C19orf38: variants seen among roughly 807,000 people sequenced by gnomAD.
C19orf38 encodes chromosome 19 open reading frame 38, also known as protein HIDE1.
A neutral mutation model predicts 26.6 loss-of-function variants in C19orf38; 14 were observed. The ratio of observed to expected loss-of-function variants is 0.53; its 90% confidence interval spans 0.35 to 0.82. The LOEUF (loss-of-function observed/expected upper bound fraction) is 0.82, where lower values mean the gene tolerates loss of function less well. Ranked by LOEUF, C19orf38 falls within the 40% of genes least tolerant of loss-of-function variation. C19orf38 has a pLI of 0.01. For missense variants in C19orf38, 261 were observed against 299.5 expected, an observed-to-expected ratio of 0.87 and a Z score of 0.95; for synonymous variants, 132 against 128.5, an observed-to-expected ratio of 1.03 and a Z score of -0.18.
chr19:10,843,346 C>T (rs2073492855), intron 1 of C19orf38, among the ~76,000 whole-genome samples: 1 of 152,220 alleles, frequency 6.6e-6, no homozygotes, highest in Non-Finnish European at 1.5e-5. Context: ...GGTGGGGTTT[C>T]ACCAGGGACC....
upstream of C19orf38, among the ~76,000 whole-genome samples, chr19:10,848,251 T>C (rs1450885404): frequency 6.6e-6 from 1 of 151,022 alleles, no homozygotes; most frequent in Non-Finnish European, 1.5e-5. Context: ...TCTCATCCAT[T>C]TTTTTCCCCT....
chr19:10,850,806 CT>C (rs1256008699), intron 2 of C19orf38, among the ~76,000 whole-genome samples: 1 of 152,162 alleles, frequency 6.6e-6, no homozygotes, highest in African/African-American at 2.4e-5. Context: ...GTGCTGAAAG[CT>C]GTCAGGGACC....
chr19:10,863,841 A>AG (rs1485858942), intron 6 of C19orf38, among the ~76,000 whole-genome samples: 1 of 152,186 alleles, frequency 6.6e-6, no homozygotes, highest in Non-Finnish European at 1.5e-5. Flanking sequence ...TGGACCCAGG[A>AG]GGTGGAGGTA....
intron 2 of C19orf38, among the ~76,000 whole-genome samples, chr19:10,851,117 C>T (rs988388638): frequency 6.6e-5 from 10 of 152,172 alleles, no homozygotes; most frequent in Non-Finnish European, 8.8e-5. Flanking sequence ...TGCAGTGGCA[C>T]GATCTTGGCT....
chr19:10,863,928 A>G (rs1366570579), intron 6 of C19orf38, among the ~76,000 whole-genome samples: 2 of 152,126 alleles, frequency 1.3e-5, no homozygotes, highest in Non-Finnish European at 2.9e-5. Flanking sequence ...AAACAAACAG[A>G]TAAAAATGAA....
At chr19:10,864,216 C>T (rs531364225) in intron 6 of C19orf38, among the ~76,000 whole-genome samples, 20 of 152,100 alleles carry the variant, frequency 1.3e-4, no homozygotes, top group African/African-American at 4.8e-4. Flanking sequence ...CATGCTACCA[C>T]ACCCAGCTGA....
At chr19:10,853,084 T>C (rs1379384853) in intron 2 of C19orf38, among the ~76,000 whole-genome samples, 3 of 151,674 alleles carry the variant, frequency 2.0e-5, no homozygotes, top group Non-Finnish European at 4.4e-5. Flanking sequence ...TTTTTTTAGA[T>C]AGGGGTCTTG....
At chr19:10,844,655 G>A (rs1276341662), upstream of C19orf38, among the ~76,000 whole-genome samples, 10 of 151,412 alleles carry the variant, frequency 6.6e-5, no homozygotes, top group Non-Finnish European at 1.2e-4. Flanking sequence ...AGACCATCCT[G>A]GCTAACACAG....
chr19:10,865,023 T>G (rs1359511517), intron 6 of C19orf38, among the ~76,000 whole-genome samples: 2 of 152,174 alleles, frequency 1.3e-5, no homozygotes, highest in Non-Finnish European at 2.9e-5. Context: ...GCTTCCAGAA[T>G]AAATCCTGAG....
chr19:10,837,491 A>T lies in C19orf38; in HGVS notation c.-69+721A>T, dbSNP rs867760993. Among the ~76,000 whole-genome samples the T allele has an allele frequency of 5.8e-3, 644 of 111,462 alleles. 5 individuals carry two copies. The highest frequency in any genetic ancestry group is 0.018 in the African/African-American group (532 of 29,532). 73.1% of individuals were successfully genotyped at this position (111,462 alleles called of 152,430 possible). A position where few individuals can be genotyped will look rare whatever the true frequency, so the allele number is the denominator to read the frequency against. ...TTTTCTTTTTTTTCTTTTTTTTTTT[A>T]ATTTTTTTTTCCTTTTTTTTTTTTT... On this transcript the variant is annotated intron_variant, in intron 1 of 7. Coordinates refer to the C19orf38 transcript ENST00000592854.
intron 4 of C19orf38, 64 bp from the exon 5 acceptor site, chr19:10,859,851 A>G: frequency 6.8e-7 from 1 of 1,474,394 alleles, no homozygotes. Flanking sequence ...GGCTTTCCCG[A>G]TCAAGCCTCC....
In C19orf38 at chr19:10,869,534, C is replaced by T; in HGVS notation, c.*167C>T. The T allele has an allele frequency of 1.0e-6, 1 of 994,310 alleles. No individual in the cohort carries two copies. The highest frequency in any genetic ancestry group is 1.8e-5 in the South Asian group (1 of 56,160). 61.6% of individuals were successfully genotyped at this position (994,310 alleles called of 1,614,324 possible). A position where few individuals can be genotyped will look rare whatever the true frequency, so the allele number is the denominator to read the frequency against. The stretch of plus-strand genomic sequence containing the variant: ...CATCACAGAGGAGTGGGAGAGGGGA[C>T]ACAGGCATGGGCCTGGCACTATACA... On this transcript the variant is annotated 3_prime_UTR_variant, in exon 7 of 7. Coordinates refer to ENST00000397820, the MANE Select transcript of C19orf38 (RefSeq NM_001136482.3).
chr19:10,866,503 G>T (rs1441734925), intron 6 of C19orf38, among the ~76,000 whole-genome samples: 1 of 151,390 alleles, frequency 6.6e-6, no homozygotes, highest in Non-Finnish European at 1.5e-5. Flanking sequence ...ACCAGGCCCG[G>T]CCTTTTTTTT....
intron 3 of C19orf38, among the ~76,000 whole-genome samples, chr19:10,857,364 A>ATTTTTTTTTT (rs1484640109): frequency 1.3e-5 from 1 of 78,202 alleles, no homozygotes; most frequent in African/African-American, 1.0e-4. Flanking sequence ...ATATATATAT[A>ATTTTTTTTTT]TATTTTTTTT....
At chr19:10,837,047 A>G (rs2073437575) in intron 1 of C19orf38, among the ~76,000 whole-genome samples, 1 of 152,118 alleles carries the variant, frequency 6.6e-6, no homozygotes, top group African/African-American at 2.4e-5. Flanking sequence ...CCCACCCATT[A>G]CTTGAGGCAT....
chr19:10,859,389 T>G (rs1005368455), intron 4 of C19orf38, among the ~76,000 whole-genome samples: 1 of 107,550 alleles, frequency 9.3e-6, no homozygotes, highest in African/African-American at 4.1e-5. Context: ...TATATATTTT[T>G]TTTTTTTTTT....
chr19:10,852,628 T>C (rs1470920692), intron 2 of C19orf38, among the ~76,000 whole-genome samples: 1 of 152,070 alleles, frequency 6.6e-6, no homozygotes. Flanking sequence ...GGATACAGGA[T>C]GTGCAAAGGC....
chr19:10,865,523 T>G (rs1479683946), intron 6 of C19orf38, among the ~76,000 whole-genome samples: 1 of 151,942 alleles, frequency 6.6e-6, no homozygotes, highest in East Asian at 2.0e-4. Flanking sequence ...TCCCATCACT[T>G]TAAGAGGCCG....
At chr19:10,844,644 A>G (rs892282571), upstream of C19orf38, among the ~76,000 whole-genome samples, 23 of 151,064 alleles carry the variant, frequency 1.5e-4, no homozygotes, top group South Asian at 1.0e-3. Flanking sequence ...TCAGGTGATC[A>G]AGACCATCCT....
Sources: gnomAD v4.1 joint callset for allele counts (sites outside exome capture counted in the v4.1 genomes callset) on GRCh38, gnomAD v4.1.1 for gene constraint, MANE v1.5 for transcripts, NCBI Gene and HGNC (gene_info 2026-07-23, HGNC 2026-07-21) for gene names.